Variants in COG5 observed in about 807,000 individuals in gnomAD.
COG5 encodes the protein conserved oligomeric Golgi complex subunit 5.
A neutral mutation model predicts 110.4 loss-of-function variants in COG5; 86 were observed. The observed-to-expected ratio is 0.78, with a 90% CI of 0.65 to 0.93. COG5 has a LOEUF of 0.93. COG5 is among the 40% of genes least tolerant of loss of function. The pLI is 0.00. For missense variants in COG5, 1,077 were observed against 987.0 expected (o/e 1.09, Z -1.22); for synonymous variants, 360 against 334.6 (o/e 1.08, Z -0.83).
intron 1 of COG5, among the ~76,000 whole-genome samples, chr7:107,560,741 T>C (rs1803707966): frequency 6.6e-6 from 1 of 152,222 alleles, no homozygotes; most frequent in Non-Finnish European, 1.5e-5. Flanking sequence ...GGTTTTCATG[T>C]GTATTATAGA....
intron 11 of COG5, among the ~76,000 whole-genome samples, chr7:107,317,777 C>T (rs1380577591): frequency 6.6e-6 from 1 of 152,040 alleles, no homozygotes; most frequent in Non-Finnish European, 1.5e-5. Flanking sequence ...AATATCAGGT[C>T]TGATGGAAAG....
rs370066143 is a variant in COG5, at chr7:107,211,122, C to A, written c.2272G>T (p.Ala758Ser). ...ACCTGGAAAGGAGATTTCAGTTCAG[C>A]GGGTGCTCTCGTGAACAAAAACTGA... is the stretch of plus-strand genomic sequence containing the variant. The part of the protein sequence containing the change: ...IIQFLFTRAP[A>S]ELKSPFQRAE... Residue 758 changes from alanine (A) to serine (S), a missense_variant, in exon 20 of 22, where the codon GCT becomes TCT. Coordinates refer to ENST00000297135, the MANE Select transcript of COG5 (RefSeq NM_006348.5). 1 of 1,614,044 alleles carries A rather than the reference C, an allele frequency of 6.2e-7. No homozygotes were observed. The highest frequency in any genetic ancestry group is 1.1e-5 in the South Asian group (1 of 91,074).
chr7:107,241,876 G>A (rs1488816448), intron 17 of COG5, among the ~76,000 whole-genome samples: 1 of 152,062 alleles, frequency 6.6e-6, no homozygotes, highest in African/African-American at 2.4e-5. Context: ...AATTCCTTCA[G>A]GCTGAAACCA....
At chr7:107,262,755 T>C (rs1803460883) in intron 14 of COG5, among the ~76,000 whole-genome samples, 2 of 152,170 alleles carry the variant, frequency 1.3e-5, no homozygotes, top group Non-Finnish European at 2.9e-5. Flanking sequence ...CTTTGCTGTA[T>C]ATTTCCCTGA....
At chr7:107,276,504 G>A (rs746004405) in intron 14 of COG5, among the ~76,000 whole-genome samples, 1 of 151,976 alleles carries the variant, frequency 6.6e-6, no homozygotes, top group African/African-American at 2.4e-5. Context: ...ACCCTCCATC[G>A]CTACAAAAAA....
intron 19 of COG5, among the ~76,000 whole-genome samples, chr7:107,225,875 T>G (rs1270318017): frequency 6.6e-6 from 1 of 152,074 alleles, no homozygotes; most frequent in Non-Finnish European, 1.5e-5. Context: ...AAACCCCGTC[T>G]CTACTAAAAA....
intron 11 of COG5, among the ~76,000 whole-genome samples, chr7:107,301,515 G>T (rs1321964060): frequency 6.6e-6 from 1 of 152,096 alleles, no homozygotes; most frequent in African/African-American, 2.4e-5. Context: ...ATAGGGAAAT[G>T]CAAATTAAAA....
At chr7:107,476,184 TAAAAAAAAA>T (rs34741713) in intron 6 of COG5, among the ~76,000 whole-genome samples, 2 of 44,072 alleles carry the variant, frequency 4.5e-5, no homozygotes, top group East Asian at 7.0e-4. Context: ...GCAATGATTT[TAAAAAAAAA>T]AAAAAAAAAA....
intron 6 of COG5, among the ~76,000 whole-genome samples, chr7:107,439,529 T>G (rs1308512440): frequency 6.6e-6 from 1 of 152,004 alleles, no homozygotes; most frequent in African/African-American, 2.4e-5. Context: ...TAACTTTATA[T>G]GTAGTATATA....
chr7:107,530,962 C>A lies in COG5; in HGVS notation c.418-3605G>T, dbSNP rs201129456. Among the ~76,000 whole-genome samples the A allele has an allele frequency of 1.1e-4, 17 of 152,098 alleles. No homozygotes were observed. The East Asian group carries it at 3.1e-3, about 28-fold the overall frequency. On this transcript the variant is annotated intron_variant, in intron 5 of 21. Coordinates refer to ENST00000297135, the MANE Select transcript of COG5 (RefSeq NM_006348.5). ...AGGATCATGTGAGCCACCACAGAAG[C>A]CCTCATTTACTCCCTCCCAATGCCA... is the stretch of plus-strand genomic sequence containing the variant.
At chr7:107,480,418 C>T (rs1269771172) in intron 6 of COG5, among the ~76,000 whole-genome samples, 9 of 152,052 alleles carry the variant, frequency 5.9e-5, no homozygotes. Flanking sequence ...TCAGGGACTG[C>T]AGTGAACTCT....
At chr7:107,306,366 A>C (rs1562960967) in intron 11 of COG5, among the ~76,000 whole-genome samples, 2 of 152,202 alleles carry the variant, frequency 1.3e-5, no homozygotes, top group African/African-American at 4.8e-5. Flanking sequence ...AGAAGCAAAT[A>C]AACATTTATA....
At chr7:107,332,683 G>A (rs1810362569) in intron 10 of COG5, among the ~76,000 whole-genome samples, 1 of 152,114 alleles carries the variant, frequency 6.6e-6, no homozygotes, top group Non-Finnish European at 1.5e-5. Flanking sequence ...TCAGTAGAGT[G>A]AAACCTTGAC....
intron 3 of COG5, among the ~76,000 whole-genome samples, chr7:107,551,579 C>A (rs528535124): frequency 1.3e-5 from 2 of 152,164 alleles, no homozygotes; most frequent in South Asian, 4.1e-4. Flanking sequence ...ACACATCATG[C>A]TAAAATGAAT....
chr7:107,295,561 T>G lies in COG5; in HGVS notation c.1313+2581A>C, dbSNP rs540438535. ...TCTTTTCTTTCTTACATCTCCCATCTCTTTTTCTCTCCACTGGCTACTTCC... is the reference window on the plus strand; with the variant it reads ...TCTTTTCTTTCTTACATCTCCCATCGCTTTTTCTCTCCACTGGCTACTTCC... On this transcript the variant is annotated intron_variant, in intron 12 of 21. Transcript: ENST00000297135. 2.4e-3 allele frequency among the ~76,000 whole-genome samples: 368 copies of G among 152,244 alleles called. 2 individuals carry two copies. Among genetic ancestry groups the G allele is most frequent in the Middle Eastern group, 0.014 (4 of 294 alleles).
At chr7:107,366,814 G>A (rs1362461135) in intron 8 of COG5, among the ~76,000 whole-genome samples, 1 of 152,044 alleles carries the variant, frequency 6.6e-6, no homozygotes, top group Admixed American at 6.6e-5. Context: ...GAAGAGGAGT[G>A]AGTGATGAGT....
chr7:107,562,648 C>G (rs1361226833), intron 1 of COG5, among the ~76,000 whole-genome samples: 1 of 152,072 alleles, frequency 6.6e-6, no homozygotes, highest in Non-Finnish European at 1.5e-5. Flanking sequence ...TCAGTTTAGC[C>G]AAGTTTTAGA....
rs537275233 is a variant in COG5 at position 107,376,806 on chromosome 7, T to G, written c.670-4046A>C. Among the ~76,000 whole-genome samples the G allele has an allele frequency of 4.6e-5, 7 of 152,222 alleles. No homozygotes were observed. In the South Asian group the frequency reaches 1.5e-3, roughly 32 times the overall value. ...ATGCCCTTTATCAGATTAAAGATAC[T>G]GGCTTGCTAAGAGTATTTTTAATCA... On this transcript the variant is annotated intron_variant, in intron 7 of 21. Transcript: ENST00000297135.
At chr7:107,290,288 C>T (rs1806054174) in intron 12 of COG5, among the ~76,000 whole-genome samples, 1 of 152,090 alleles carries the variant, frequency 6.6e-6, no homozygotes, top group Non-Finnish European at 1.5e-5. Context: ...TCTTGAAGTC[C>T]TCAAAACCCT....
Sources: gnomAD v4.1 joint callset for allele counts (sites outside exome capture counted in the v4.1 genomes callset) on GRCh38, gnomAD v4.1.1 for gene constraint, MANE v1.5 for transcripts, NCBI Gene and HGNC (gene_info 2026-07-23, HGNC 2026-07-21) for gene names.